NALF1: variants seen among roughly 807,000 people sequenced by gnomAD.
NALF1 encodes the protein NALCN channel auxiliary factor 1.
A neutral mutation model predicts 48.4 loss-of-function variants in NALF1; 3 were observed. The observed-to-expected ratio is 0.06, with a 90% CI of 0.03 to 0.16. The LOEUF (loss-of-function observed/expected upper bound fraction) is 0.16, where lower values mean the gene tolerates loss of function less well. Among genes scored for constraint, NALF1 ranks in the 10% least tolerant of loss-of-function variants. The pLI, the probability that NALF1 is intolerant of heterozygous loss-of-function variation, is 1.00. For synonymous variants in NALF1, 262 were observed against 245.7 expected (o/e 1.07, Z -0.62); for missense variants, 526 against 571.5 (o/e 0.92, Z 0.81).
At chr13:107,734,028 C>T (rs531573042) in intron 1 of NALF1, among the ~76,000 whole-genome samples, 7 of 152,054 alleles carry the variant, frequency 4.6e-5, no homozygotes, top group Admixed American at 6.6e-5. Flanking sequence ...TGTTAGGCAA[C>T]GGCAAAACAG....
At chr13:107,450,809 G>A (rs554642935) in intron 1 of NALF1, among the ~76,000 whole-genome samples, 1 of 152,278 alleles carries the variant, frequency 6.6e-6, no homozygotes, top group Admixed American at 6.5e-5. Flanking sequence ...GCAAGAAGAC[G>A]AAAGAATCCA....
At chr13:107,465,452 G>T (rs1171633085) in intron 1 of NALF1, among the ~76,000 whole-genome samples, 1 of 151,814 alleles carries the variant, frequency 6.6e-6, no homozygotes, top group Non-Finnish European at 1.5e-5. Context: ...CTTAGCACCT[G>T]CCTGGGTCTC....
intron 1 of NALF1, among the ~76,000 whole-genome samples, chr13:107,669,793 C>A (rs1880949150): frequency 6.6e-6 from 1 of 152,110 alleles, no homozygotes; most frequent in Non-Finnish European, 1.5e-5. Flanking sequence ...TTGGAAGACA[C>A]TGCAAGCCAG....
At chr13:107,206,550 C>T (rs1336424745) in intron 2 of NALF1, among the ~76,000 whole-genome samples, 1 of 152,094 alleles carries the variant, frequency 6.6e-6, no homozygotes, top group African/African-American at 2.4e-5. Flanking sequence ...GTAAGTGTGA[C>T]CAAAATGGTA....
intron 1 of NALF1, among the ~76,000 whole-genome samples, chr13:107,732,488 T>C (rs1197603105): frequency 6.6e-6 from 1 of 152,138 alleles, no homozygotes; most frequent in Non-Finnish European, 1.5e-5. Flanking sequence ...CATGCTGTCC[T>C]GGGCTTAGAC....
chr13:107,503,903 G>T (rs1220084670), intron 1 of NALF1, among the ~76,000 whole-genome samples: 1 of 150,032 alleles, frequency 6.7e-6, no homozygotes, highest in Non-Finnish European at 1.5e-5. Context: ...GAAAAATATT[G>T]CATCTTCTCA....
intron 1 of NALF1, among the ~76,000 whole-genome samples, chr13:107,824,161 A>G (rs1879442315): frequency 1.3e-5 from 2 of 152,182 alleles, no homozygotes; most frequent in South Asian, 4.2e-4. Context: ...AAGTGTGGTA[A>G]GCACATAATT....
At chr13:107,637,686 C>T (rs192656179) in intron 1 of NALF1, among the ~76,000 whole-genome samples, 1 of 152,234 alleles carries the variant, frequency 6.6e-6, no homozygotes, top group Admixed American at 6.5e-5. Flanking sequence ...TTTTATCTTC[C>T]AACCCATGTT....
intron 1 of NALF1, among the ~76,000 whole-genome samples, chr13:107,376,586 C>T (rs1030146591): frequency 1.3e-5 from 2 of 152,126 alleles, no homozygotes; most frequent in Admixed American, 6.5e-5. Context: ...ATGTAATCTG[C>T]CACCATCTCT....
intron 1 of NALF1, among the ~76,000 whole-genome samples, chr13:107,819,682 A>AC (rs1879297507): frequency 1.3e-5 from 1 of 79,912 alleles, no homozygotes; most frequent in Non-Finnish European, 3.2e-5. Context: ...CCAGCTGGAA[A>AC]TTCTCTCTCT....
intron 1 of NALF1, among the ~76,000 whole-genome samples, chr13:107,249,292 G>A (rs908245252): frequency 5.9e-5 from 9 of 152,040 alleles, no homozygotes; most frequent in African/African-American, 1.4e-4. Context: ...GATTTATAGC[G>A]AGGAAATCTA....
intron 1 of NALF1, among the ~76,000 whole-genome samples, chr13:107,527,304 G>T (rs188104679): frequency 6.6e-6 from 1 of 152,020 alleles, no homozygotes; most frequent in Non-Finnish European, 1.5e-5. Context: ...TCAGCGAAGC[G>T]TTCAGGGGAT....
At chr13:107,263,269 C>T (rs1880971867) in intron 1 of NALF1, among the ~76,000 whole-genome samples, 1 of 151,574 alleles carries the variant, frequency 6.6e-6, no homozygotes, top group South Asian at 2.1e-4. Flanking sequence ...CACACACACA[C>T]ACACACACAC....
chr13:107,259,817 C>A (rs192653198), intron 1 of NALF1, among the ~76,000 whole-genome samples: 180 of 152,234 alleles, frequency 1.2e-3, no homozygotes, highest in Non-Finnish European at 7.1e-4. Context: ...TACTTGAAAG[C>A]GAACAATACT....
chr13:107,798,443 A>G (rs1878500096), intron 1 of NALF1, among the ~76,000 whole-genome samples: 1 of 152,220 alleles, frequency 6.6e-6, no homozygotes, highest in Non-Finnish European at 1.5e-5. Context: ...GCAAAATGTT[A>G]CAATATTATG....
chr13:107,742,794 G>A (rs1246878019), intron 1 of NALF1, among the ~76,000 whole-genome samples: 1 of 152,116 alleles, frequency 6.6e-6, no homozygotes, highest in Admixed American at 6.6e-5. Context: ...TTGCTCATGG[G>A]TTATACTCAC....
At chr13:107,861,657 A>G (rs1198379922) in intron 1 of NALF1, among the ~76,000 whole-genome samples, 1 of 152,108 alleles carries the variant, frequency 6.6e-6, no homozygotes, top group Non-Finnish European at 1.5e-5. Flanking sequence ...GGTGGCGCGC[A>G]CCTGTAGTCC....
At chr13:107,721,109 TACACACACAC>T (rs66578211) in intron 1 of NALF1, among the ~76,000 whole-genome samples, 9,876 of 143,902 alleles carry the variant, frequency 0.069, 370 homozygotes, top group African/African-American at 0.11. Context: ...CAGATCTCAA[TACACACACAC>T]ACACACACAC....
chr13:107,739,128 G>T (rs1876553184), intron 1 of NALF1, among the ~76,000 whole-genome samples: 1 of 151,910 alleles, frequency 6.6e-6, no homozygotes, highest in Admixed American at 6.6e-5. Context: ...ACGGACACAG[G>T]GAGGGAAACA....
Sources: gnomAD v4.1 joint callset for allele counts (sites outside exome capture counted in the v4.1 genomes callset) on GRCh38, gnomAD v4.1.1 for gene constraint, MANE v1.5 for transcripts, NCBI Gene and HGNC (gene_info 2026-07-23, HGNC 2026-07-21) for gene names.